Variants in CCDC13 observed in about 807,000 individuals in gnomAD.
CCDC13 encodes coiled-coil domain containing 13, also known as coiled-coil domain-containing protein 13.
A neutral mutation model predicts 87.3 loss-of-function variants in CCDC13; 70 were observed. The observed-to-expected ratio is 0.80, with a 90% CI of 0.66 to 0.98. The LOEUF (loss-of-function observed/expected upper bound fraction) is 0.98, where lower values mean the gene tolerates loss of function less well. CCDC13 is among the 50% of genes least tolerant of loss of function. The pLI is 0.00. For synonymous variants in CCDC13, 317 were observed against 360.3 expected (o/e 0.88, Z 1.36); for missense variants, 842 against 892.0 (o/e 0.94, Z 0.71).
At chr3:42,770,634 A>T (rs1000043507) in intron 1 of CCDC13, 2 of 152,360 alleles carry the variant, frequency 1.3e-5, no homozygotes, top group Non-Finnish European at 2.9e-5. Context: ...ACACTGTTGA[A>T]GCTTTGTTCT....
At chr3:42,766,113 G>T (rs1699927320) in intron 1 of CCDC13, among the ~76,000 whole-genome samples, 1 of 152,204 alleles carries the variant, frequency 6.6e-6, no homozygotes, top group Non-Finnish European at 1.5e-5. Flanking sequence ...TGCAGAGAAG[G>T]AGAGGGGAGA....
intron 8 of CCDC13, among the ~76,000 whole-genome samples, chr3:42,740,561 T>C (rs1370094796): frequency 6.6e-6 from 1 of 152,146 alleles, no homozygotes; most frequent in Admixed American, 6.5e-5. Flanking sequence ...ACAGATAATG[T>C]CAAATAGTGA....
At chr3:42,709,567 C>T in intron 15 of CCDC13, 117 bp downstream of exon 15, 1 of 844,210 alleles carries the variant, frequency 1.2e-6, no homozygotes, top group Non-Finnish European at 2.0e-6. Flanking sequence ...CCAAACAGGA[C>T]AAGCCTTCTG....
intron 13 of CCDC13, among the ~76,000 whole-genome samples, chr3:42,717,772 T>C (rs1559637957): frequency 6.6e-6 from 1 of 152,230 alleles, no homozygotes; most frequent in Non-Finnish European, 1.5e-5. Context: ...AAGGAGTTGC[T>C]ATCTCATCTG....
At chr3:42,747,509 A>C in intron 5 of CCDC13, 136 bp from the exon 6 acceptor site, 1 of 675,664 alleles carries the variant, frequency 1.5e-6, no homozygotes, top group East Asian at 2.6e-5. Flanking sequence ...TAATCCTCAT[A>C]AACCCCTGTG....
intron 1 of CCDC13, among the ~76,000 whole-genome samples, chr3:42,766,341 G>A (rs1012488967): frequency 6.6e-6 from 1 of 152,046 alleles, no homozygotes; most frequent in Non-Finnish European, 1.5e-5. Flanking sequence ...AGGAGAAGGT[G>A]TAGAGTGAGG....
chr3:42,772,531 T>C (rs1559670074), intron 1 of CCDC13, among the ~76,000 whole-genome samples: 1 of 152,132 alleles, frequency 6.6e-6, no homozygotes, highest in Admixed American at 6.5e-5. Context: ...CTTCTCTTTC[T>C]TCTTTTCTTT....
intron 6 of CCDC13, chr3:42,746,655 T>G (rs1437416360): frequency 6.0e-6 from 1 of 167,576 alleles, no homozygotes; most frequent in African/African-American, 2.4e-5. Flanking sequence ...TGGCACTTGT[T>G]TCCACAATAG....
intron 1 of CCDC13, among the ~76,000 whole-genome samples, chr3:42,772,299 A>AATAATT (rs143151596): frequency 6.8e-6 from 1 of 147,166 alleles, no homozygotes; most frequent in South Asian, 2.2e-4. Context: ...AAGTAATAAT[A>AATAATT]AAAAAAATAA....
intron 7 of CCDC13, among the ~76,000 whole-genome samples, chr3:42,744,601 C>T (rs1458824149): frequency 1.3e-5 from 2 of 151,612 alleles, no homozygotes; most frequent in Admixed American, 6.6e-5. Context: ...GTCAGGAGAT[C>T]GAGACCATCC....
intron 13 of CCDC13, among the ~76,000 whole-genome samples, chr3:42,728,123 C>A (rs1037420911): frequency 6.6e-6 from 1 of 152,220 alleles, no homozygotes; most frequent in African/African-American, 2.4e-5. Flanking sequence ...TAAGAAAGAA[C>A]TTGTTTTCAG....
At chr3:42,754,584 T>A (rs1166347121) in intron 3 of CCDC13, among the ~76,000 whole-genome samples, 1 of 152,186 alleles carries the variant, frequency 6.6e-6, no homozygotes, top group Admixed American at 6.5e-5. Context: ...TTTTGCTGAA[T>A]ACAACCAAAA....
intron 1 of CCDC13, 67 bp downstream of exon 1, chr3:42,773,109 C>T (rs1361807459): frequency 1.3e-5 from 2 of 152,180 alleles, no homozygotes; most frequent in Non-Finnish European, 2.9e-5. Flanking sequence ...GGCTCGGTTC[C>T]GCGCCCCCGG....
rs1233067033 is a variant in CCDC13 at position 42,747,358 on chromosome 3, C to A, written c.619G>T (p.Val207Leu). ...GDRALLETPE[V>L]KALQDRLVAT... The stretch of plus-strand genomic sequence containing the variant: ...ACCAGCCTGTCCTGCAGGGCCTTCA[C>A]CTCTGGGGTCTCCAGCTGGTTGGGA... The change falls in exon 6 of 16, where the codon GTG becomes TTG. Residue 207 changes from valine to leucine, a missense_variant. Val to Leu is a conservative substitution (Grantham distance 32). Coordinates refer to ENST00000310232, the MANE Select transcript of CCDC13 (RefSeq NM_144719.4). The A allele has an allele frequency of 3.7e-6, 6 of 1,613,654 alleles. No homozygotes were observed. The highest frequency in any genetic ancestry group is 2.7e-5 in the African/African-American group (2 of 75,042).
chr3:42,724,810 G>GT (rs35281720), intron 13 of CCDC13, among the ~76,000 whole-genome samples: 30,691 of 152,122 alleles, frequency 0.2, 3,221 homozygotes, highest in East Asian at 0.29. Context: ...CATGGGGACT[G>GT]TAACTGTGGG....
chr3:42,754,810 G>A (rs1699670442), intron 3 of CCDC13, among the ~76,000 whole-genome samples: 1 of 152,106 alleles, frequency 6.6e-6, no homozygotes, highest in Admixed American at 6.6e-5. Context: ...GGCTCAGACA[G>A]AATGGAAAAA....
intron 1 of CCDC13, among the ~76,000 whole-genome samples, chr3:42,758,746 C>T (rs1375536350): frequency 6.6e-6 from 1 of 152,160 alleles, no homozygotes; most frequent in Non-Finnish European, 1.5e-5. Context: ...AGGGCTTGGC[C>T]ATCATTTCTT....
At chr3:42,767,866 T>G (rs1244878354) in intron 1 of CCDC13, among the ~76,000 whole-genome samples, 2 of 151,256 alleles carry the variant, frequency 1.3e-5, no homozygotes, top group African/African-American at 4.9e-5. Flanking sequence ...CCCAGCTACC[T>G]GGGAGGCTGA....
chr3:42,766,906 T>A (rs1449827160), intron 1 of CCDC13, among the ~76,000 whole-genome samples: 1 of 152,168 alleles, frequency 6.6e-6, no homozygotes, highest in Non-Finnish European at 1.5e-5. Context: ...GGGGAACTTC[T>A]TCAATTTGAT....
Sources: gnomAD v4.1 joint callset for allele counts (sites outside exome capture counted in the v4.1 genomes callset) on GRCh38, gnomAD v4.1.1 for gene constraint, MANE v1.5 for transcripts, NCBI Gene and HGNC (gene_info 2026-07-23, HGNC 2026-07-21) for gene names.